NCOR2: variants seen among roughly 807,000 people sequenced by gnomAD.
The protein encoded by NCOR2 is nuclear receptor corepressor 2.
NCOR2 carries 81 observed loss-of-function variants against 262.9 expected under a neutral mutation model. The observed-to-expected ratio is 0.31, with a 90% confidence interval of 0.26 to 0.37. NCOR2 has a LOEUF of 0.37. Among genes scored for constraint, NCOR2 ranks in the 10% least tolerant of loss-of-function variants. The probability of loss-of-function intolerance (pLI) is 1.00; values close to 1 mark genes in which losing one functional copy is unlikely to be tolerated. For synonymous variants in NCOR2, 1,659 were observed against 1,559.3 expected (o/e 1.06, Z -1.51); for missense variants, 3,385 against 3,621.4 (o/e 0.93, Z 1.68).
At chr12:124,507,888 T>C (rs2049136608) in intron 1 of NCOR2, among the ~76,000 whole-genome samples, 1 of 152,224 alleles carries the variant, frequency 6.6e-6, no homozygotes, top group South Asian at 2.1e-4. Flanking sequence ...CATCCACAGC[T>C]GTGCAGCTGC....
intron 1 of NCOR2, chr12:124,530,138 A>T (rs2050704158): frequency 6.6e-6 from 1 of 152,266 alleles, no homozygotes; most frequent in Non-Finnish European, 1.5e-5. Context: ...AGAAAGAATG[A>T]ATTGATACAT....
At chr12:124,524,999 T>C (rs1240443191) in intron 1 of NCOR2, among the ~76,000 whole-genome samples, 1 of 152,128 alleles carries the variant, frequency 6.6e-6, no homozygotes, top group Admixed American at 6.5e-5. Context: ...TGTAAATACA[T>C]GGAAATTAAC....
At chr12:124,516,336 C>T (rs944386604) in intron 1 of NCOR2, among the ~76,000 whole-genome samples, 9 of 152,094 alleles carry the variant, frequency 5.9e-5, no homozygotes, top group Non-Finnish European at 7.4e-5. Context: ...AGGGCTGGCA[C>T]GGAGGGGCTC....
At chr12:124,496,867 T>G (rs2136917779), upstream of NCOR2, among the ~76,000 whole-genome samples, 2 of 152,270 alleles carry the variant, frequency 1.3e-5, no homozygotes, top group East Asian at 3.9e-4. This position sits in a 1 kb window ranked among gnomAD's most constrained non-coding sequence, Gnocchi z 4.4. Context: ...GCCTTGAGAC[T>G]TTTGCTGCTG....
chr12:124,425,077 C>A (rs557840937), intron 11 of NCOR2, among the ~76,000 whole-genome samples: 1 of 152,318 alleles, frequency 6.6e-6, no homozygotes, highest in Admixed American at 6.5e-5. Flanking sequence ...CTTTCTTTAA[C>A]CCTTATGAGA....
rs571586488 is a variant in NCOR2 at position 124,449,948 on chromosome 12, C to T, written c.763-81G>A. 341 of 1,459,956 alleles carry T rather than the reference C, an allele frequency of 2.3e-4. 3 individuals carry two copies. The South Asian group carries it at 3.9e-3, about 17-fold the overall frequency. The allele number at this position is 1,459,956 out of a possible 1,614,324, so 90.4% of individuals were successfully genotyped here. A position where few individuals can be genotyped will look rare whatever the true frequency, so the allele number is the denominator to read the frequency against. ...GAGCCCACCGGTAGGAGCCACAGCC[C>T]TGGCACGGAGGAGCTGTCCTCTGGG... On this transcript the variant is annotated intron_variant, in intron 6 of 46. Transcript: ENST00000405201.
intron 19 of NCOR2, among the ~76,000 whole-genome samples, chr12:124,373,111 G>A (rs1169376539): frequency 6.6e-6 from 1 of 152,284 alleles, no homozygotes; most frequent in African/African-American, 2.4e-5. Flanking sequence ...TGGCAATTGT[G>A]AGGGCAAGGG....
intron 37 of NCOR2, among the ~76,000 whole-genome samples, chr12:124,339,219 A>ACCCCCCCCCCCCCCCCCCC (rs1555300759): frequency 3.2e-5 from 2 of 63,316 alleles, no homozygotes; most frequent in Non-Finnish European, 5.7e-5. Flanking sequence ...TCTACCTACC[A>ACCCCCCCCCCCCCCCCCCC]CCCACCCACC....
intron 13 of NCOR2, among the ~76,000 whole-genome samples, chr12:124,408,068 G>A (rs893122290): frequency 2.6e-5 from 4 of 152,224 alleles, no homozygotes; most frequent in African/African-American, 9.6e-5. Context: ...GATATACCAA[G>A]GCGTGGCGGG....
chr12:124,374,589 G>A (rs11057606), intron 18 of NCOR2, 126 bp from the exon 21 acceptor site: 433,429 of 871,970 alleles, frequency 0.5, 115,839 homozygotes, highest in Admixed American at 0.58. Flanking sequence ...GCTGCTGCTC[G>A]CTCTCCTGCC....
At chr12:124,340,272 G>A (rs2036350337) in intron 36 of NCOR2, 22 bp downstream of exon 38, 1 of 1,608,276 alleles carries the variant, frequency 6.2e-7, no homozygotes, top group African/African-American at 1.3e-5. Context: ...CGGAGCGGGG[G>A]GTGGGGGCTC....
intron 4 of NCOR2, among the ~76,000 whole-genome samples, chr12:124,466,996 C>G (rs1462803591): frequency 7.3e-6 from 1 of 136,094 alleles, no homozygotes; most frequent in Non-Finnish European, 1.6e-5. Context: ...ATCCTCATCA[C>G]CCCCATCATC....
intron 7 of NCOR2, among the ~76,000 whole-genome samples, chr12:124,442,685 G>C (rs1466785426): frequency 6.6e-6 from 1 of 152,178 alleles, no homozygotes; most frequent in Non-Finnish European, 1.5e-5. Context: ...ACACTGCCTA[G>C]TACAGGTGGG....
intron 1 of NCOR2, among the ~76,000 whole-genome samples, chr12:124,507,594 G>A (rs747650540): frequency 5.7e-4 from 87 of 152,340 alleles, no homozygotes; most frequent in South Asian, 4.1e-4. Context: ...TGGCTGGGCA[G>A]CGACTTGCAC....
intron 22 of NCOR2, among the ~76,000 whole-genome samples, chr12:124,357,493 G>A (rs543665470): frequency 6.6e-6 from 1 of 152,276 alleles, no homozygotes; most frequent in African/African-American, 2.4e-5. Context: ...ATGAGGTCTT[G>A]TTATGTGTGC....
chr12:124,344,069 G>A (rs2036700906), intron 32 of NCOR2, among the ~76,000 whole-genome samples: 3 of 152,208 alleles, frequency 2.0e-5, no homozygotes, highest in Admixed American at 6.5e-5. Context: ...TGGAAGGCGG[G>A]GACATGGCAG....
intron 1 of NCOR2, among the ~76,000 whole-genome samples, chr12:124,528,456 C>T (rs777649216): frequency 6.6e-6 from 1 of 152,202 alleles, no homozygotes; most frequent in Non-Finnish European, 1.5e-5. Flanking sequence ...CCAGCCCATT[C>T]CTGGGCTTCC....
At chr12:124,505,890 C>T (rs1024673288) in intron 1 of NCOR2, among the ~76,000 whole-genome samples, 2 of 152,100 alleles carry the variant, frequency 1.3e-5, no homozygotes, top group African/African-American at 4.8e-5. Flanking sequence ...AGCCCAAATG[C>T]CCCAGCCCAT....
intron 3 of NCOR2, among the ~76,000 whole-genome samples, chr12:124,480,243 G>T (rs2047376830): frequency 6.6e-6 from 1 of 152,212 alleles, no homozygotes; most frequent in Admixed American, 6.5e-5. Context: ...TTTGCCCTGA[G>T]GCTGCTAAGG....
Sources: gnomAD v4.1 joint callset for allele counts (sites outside exome capture counted in the v4.1 genomes callset) on GRCh38, gnomAD v4.1.1 for gene constraint, Gnocchi (gnomAD v3.1) non-coding constraint, MANE v1.5 for transcripts, NCBI Gene and HGNC (gene_info 2026-07-23, HGNC 2026-07-21) for gene names.